TPP2: variants seen among roughly 807,000 people sequenced by gnomAD.
TPP2 encodes the protein tripeptidyl peptidase 2.
A neutral mutation model predicts 155.9 loss-of-function variants in TPP2; 34 were observed. The ratio of observed to expected loss-of-function variants is 0.22; its 90% CI spans 0.17 to 0.29. The LOEUF is 0.29. Ranked by LOEUF, TPP2 falls within the 10% of genes least tolerant of loss-of-function variation. The pLI, the probability that TPP2 is intolerant of heterozygous loss-of-function variation, is 1.00. For synonymous variants in TPP2, 510 were observed against 529.4 expected (o/e 0.96, Z 0.50); for missense variants, 1,028 against 1,522.3 (o/e 0.68, Z 5.40).
In TPP2 at chr13:102,616,388, CTT is replaced by C; in HGVS notation, c.391-6_391-5del. On this transcript the variant is annotated splice_region_variant and splice_polypyrimidine_tract_variant and intron_variant, in intron 3 of 29. Coordinates refer to ENST00000376052, the MANE Select transcript of TPP2 (RefSeq NM_001330588.2). The stretch of plus-strand genomic sequence containing the variant: ...CCTAATTGTAAGGTAATTTTTCTGT[CTT>C]TGCAGAAAGAACGGAAGGAAAAAAT... 1 of 1,602,812 alleles carries C rather than the reference CTT, an allele frequency of 6.2e-7. No individual in the cohort carries two copies. The highest frequency in any genetic ancestry group is 8.5e-7 in the Non-Finnish European group (1 of 1,175,102).
chr13:102,613,432 A>G (rs983313149), intron 2 of TPP2, among the ~76,000 whole-genome samples: 8 of 152,220 alleles, frequency 5.3e-5, no homozygotes, highest in Admixed American at 1.3e-4. Context: ...ATTGCAAAGA[A>G]TATGAATACT....
chr13:102,663,274 A>G (rs186427015), intron 25 of TPP2, among the ~76,000 whole-genome samples: 1,707 of 152,172 alleles, frequency 0.011, 37 homozygotes, highest in African/African-American at 0.038. Context: ...CAGCCTCCCG[A>G]GTATCTGGGA....
chr13:102,605,554 A>G (rs1454691689), intron 2 of TPP2, among the ~76,000 whole-genome samples: 4 of 152,136 alleles, frequency 2.6e-5, no homozygotes, highest in Non-Finnish European at 5.9e-5. Flanking sequence ...GCCAAATTTT[A>G]TGTTTTGAAT....
At chr13:102,611,083 GTGT>G (rs1357173836) in intron 2 of TPP2, among the ~76,000 whole-genome samples, 3 of 152,072 alleles carry the variant, frequency 2.0e-5, no homozygotes, top group African/African-American at 7.2e-5. Flanking sequence ...TTTTCCCTTG[GTGT>G]TGTGAGATTT....
intron 26 of TPP2, among the ~76,000 whole-genome samples, chr13:102,664,576 A>G (rs542822034): frequency 1.3e-5 from 2 of 152,188 alleles, no homozygotes; most frequent in Admixed American, 6.5e-5. Context: ...GAATGTAAAT[A>G]AGGTATTTTT....
intron 1 of TPP2, among the ~76,000 whole-genome samples, chr13:102,598,754 A>C (rs1181781902): frequency 1.3e-5 from 2 of 152,118 alleles, no homozygotes; most frequent in Non-Finnish European, 2.9e-5. Flanking sequence ...GCTTGGTAGA[A>C]TTTGTTGGTA....
intron 16 of TPP2, among the ~76,000 whole-genome samples, chr13:102,640,746 G>T (rs1200132424): frequency 7.2e-6 from 1 of 138,230 alleles, no homozygotes; most frequent in Non-Finnish European, 1.5e-5. Context: ...CACCTCCCCA[G>T]TTCAAACGAT....
chr13:102,643,178 G>A, intron 16 of TPP2, 44 bp from the exon 17 acceptor site: 2 of 1,517,768 alleles, frequency 1.3e-6, no homozygotes, highest in African/African-American at 1.4e-5. Context: ...GTCAATTTTA[G>A]GTCTTATAAG....
chr13:102,638,528 C>G (rs1398209099), intron 15 of TPP2, among the ~76,000 whole-genome samples: 1 of 152,152 alleles, frequency 6.6e-6, no homozygotes, highest in Admixed American at 6.5e-5. Context: ...TGGCATCTGC[C>G]CTACCTCTGC....
intron 4 of TPP2, among the ~76,000 whole-genome samples, chr13:102,617,817 G>T (rs75901233): frequency 0.04 from 6,152 of 152,212 alleles, 189 homozygotes; most frequent in Non-Finnish European, 0.058. Flanking sequence ...CACTCCCCTT[G>T]TATCATGAAA....
intron 14 of TPP2, 47 bp downstream of exon 14, chr13:102,637,286 TA>T (rs763396685): frequency 3.0e-5 from 46 of 1,544,562 alleles, no homozygotes; most frequent in Non-Finnish European, 3.0e-5. Context: ...TTAAAATGTT[TA>T]AAAGGTTAAA....
At chr13:102,657,486 T>G (rs974671151) in intron 25 of TPP2, among the ~76,000 whole-genome samples, 1 of 151,994 alleles carries the variant, frequency 6.6e-6, no homozygotes, top group African/African-American at 2.4e-5. Flanking sequence ...AAAAATCACT[T>G]TTGCCCACAA....
Position 102,644,943 on chromosome 13 carries a change from A to G in TPP2, c.2327A>G (p.Gln776Arg). Residue 776 changes from glutamine to arginine, a missense_variant, in exon 19 of 30, where the codon CAG becomes CGG. Physicochemically the swap from Gln to Arg is conservative, Grantham distance 43. Transcript: ENST00000376052. ...ASEGINRFDVQSSLKYEDLAP... is the reference protein window; with the variant it reads ...ASEGINRFDVRSSLKYEDLAP... ...GAAGGAATCAACCGCTTTGATGTTCAGTCCTCCTTGAAATACGAAGATCTG... is the reference window on the plus strand; with the variant it reads ...GAAGGAATCAACCGCTTTGATGTTCGGTCCTCCTTGAAATACGAAGATCTG... The G allele has an allele frequency of 6.2e-7, 1 of 1,614,098 alleles. No individual in the cohort carries two copies. Among genetic ancestry groups the G allele is most frequent in the Non-Finnish European group, 8.5e-7 (1 of 1,179,966 alleles).
chr13:102,660,270 A>G (rs529056910), intron 25 of TPP2, among the ~76,000 whole-genome samples: 9 of 152,136 alleles, frequency 5.9e-5, no homozygotes, highest in Non-Finnish European at 1.2e-4. Flanking sequence ...TACAAAAGAA[A>G]GCTGTATAGG....
chr13:102,640,339 G>A lies in TPP2; in HGVS notation c.1983G>A (p.Arg661=), dbSNP rs145016190. 3.3e-5 allele frequency: 54 copies of A among 1,613,474 alleles called. 1 individual carries two copies. Among genetic ancestry groups the A allele is most frequent in the Middle Eastern group, 1.6e-4 (1 of 6,082 alleles). Residue 661 remains arginine, a synonymous_variant, in exon 16 of 30, where the codon AGG becomes AGA. Transcript: ENST00000376052. ...ACTTTAAACCTGGTCAAATTCGAAG[G>A]CATTTTATTGAGGTTCCTGAGGGTG... ...DVHFKPGQIR[R]HFIEVPEGAT...
In TPP2 at chr13:102,627,984, G is replaced by A. The variant is rs1182583150; in HGVS notation, c.1016+60G>A. On this transcript the variant is annotated intron_variant, in intron 8 of 29. Transcript: ENST00000376052. The stretch of plus-strand genomic sequence containing the variant: ...CCTTAGCCAGTGAAGAGTATGAGAT[G>A]TTTTTCATAAGTGGATTGAGTGTCA... 10 of 1,350,632 alleles carry A rather than the reference G, an allele frequency of 7.4e-6. No homozygotes were observed. The Admixed American group carries it at 1.9e-4, about 26-fold the overall frequency. 83.7% of individuals were successfully genotyped at this position (1,350,632 alleles called of 1,614,324 possible).
chr13:102,609,445 TG>T (rs1880104951), intron 2 of TPP2, among the ~76,000 whole-genome samples: 2 of 134,968 alleles, frequency 1.5e-5, no homozygotes, highest in Non-Finnish European at 3.1e-5. Flanking sequence ...TTGCCCAGAC[TG>T]GAGTGCAATG....
chr13:102,641,035 A>G (rs1021260276), intron 16 of TPP2, among the ~76,000 whole-genome samples: 4 of 152,248 alleles, frequency 2.6e-5, no homozygotes, highest in Admixed American at 2.6e-4. Context: ...TTTTAGAAAT[A>G]GAGCTTTAAT....
At chr13:102,638,608 G>C (rs956918108) in intron 15 of TPP2, among the ~76,000 whole-genome samples, 1 of 152,088 alleles carries the variant, frequency 6.6e-6, no homozygotes, top group South Asian at 2.1e-4. Context: ...CTCAGGCTTC[G>C]TCTGACCCGA....
Sources: allele counts gnomAD v4.1 joint callset (sites outside exome capture counted in the v4.1 genomes callset), GRCh38; gene constraint gnomAD v4.1.1; transcripts MANE v1.5; gene names NCBI Gene and HGNC (gene_info 2026-07-23, HGNC 2026-07-21).